The following TLN2 variants were observed in gnomAD, a reference collection of about 807,000 sequenced individuals.
TLN2 encodes talin 2.
In TLN2, 118 loss-of-function variants were observed where a neutral mutation model predicts 294.7. The ratio of observed to expected loss-of-function variants is 0.40; its 90% CI spans 0.34 to 0.47. The LOEUF (loss-of-function observed/expected upper bound fraction) is 0.47, where lower values mean the gene tolerates loss of function less well. Among genes scored for constraint, TLN2 ranks in the 20% least tolerant of loss-of-function variants. TLN2 has a pLI of 0.84. For missense variants in TLN2, 3,083 were observed against 3,282.2 expected, an observed-to-expected ratio of 0.94 and a Z score of 1.48; for synonymous variants, 1,431 against 1,304.5, an observed-to-expected ratio of 1.10 and a Z score of -2.09.
At chr15:62,511,527 G>A (rs2039935047) in intron 1 of TLN2, among the ~76,000 whole-genome samples, 1 of 152,170 alleles carries the variant, frequency 6.6e-6, no homozygotes, top group South Asian at 2.1e-4. Flanking sequence ...TGACTTGCCT[G>A]GAAGAGGTGC....
intron 10 of TLN2, among the ~76,000 whole-genome samples, chr15:62,674,795 C>T (rs1403126146): frequency 6.6e-6 from 1 of 152,196 alleles, no homozygotes. Context: ...AGCCACCACA[C>T]CCAGCCAATA....
intron 11 of TLN2, among the ~76,000 whole-genome samples, chr15:62,685,098 T>G (rs2057166645): frequency 6.6e-6 from 1 of 151,928 alleles, no homozygotes; most frequent in Admixed American, 6.6e-5. Flanking sequence ...AGGAAAAGCA[T>G]GAAAAAATAA....
chr15:62,813,950 G>T (rs1402155493), intron 52 of TLN2, among the ~76,000 whole-genome samples: 1 of 152,086 alleles, frequency 6.6e-6, no homozygotes, highest in Non-Finnish European at 1.5e-5. Flanking sequence ...AAGTAGCTGG[G>T]ATTACAGGCA....
chr15:62,619,840 A>T (rs78270107), intron 3 of TLN2, among the ~76,000 whole-genome samples: 1 of 152,100 alleles, frequency 6.6e-6, no homozygotes, highest in Admixed American at 6.5e-5. Context: ...ACAAATTCCT[A>T]TTGTTTTAGG....
At chr15:62,526,611 T>A (rs1205904543) in intron 1 of TLN2, among the ~76,000 whole-genome samples, 1 of 152,198 alleles carries the variant, frequency 6.6e-6, no homozygotes, top group Non-Finnish European at 1.5e-5. Flanking sequence ...CATTCTCTGC[T>A]GGGCAGGACC....
chr15:62,839,812 G>C (rs925310027), intron 58 of TLN2, among the ~76,000 whole-genome samples: 1 of 152,192 alleles, frequency 6.6e-6, no homozygotes, highest in African/African-American at 2.4e-5. Context: ...CACAGAGAAG[G>C]GGCTCTGATC....
At position 62,598,731 on chromosome 15, in the gene TLN2, A is replaced by T. The variant is rs191986484; in HGVS notation, c.-162+8969A>T. 7.4e-4 allele frequency among the ~76,000 whole-genome samples: 112 copies of T among 151,520 alleles called. 3 individuals are homozygous for T. The East Asian group carries it at 0.019, about 26-fold the overall frequency. On this transcript the variant is annotated intron_variant, in intron 2 of 58. Coordinates refer to ENST00000636159, the MANE Select transcript of TLN2 (RefSeq NM_015059.3). ...AACTTTTCTCTCCATTCCTGAGAGA[A>T]ATGGAATTTTCTCTCAGGAATGGAG...
chr15:62,796,365 G>A (rs1300282432), intron 47 of TLN2, 72 bp downstream of exon 47: 22 of 1,504,954 alleles, frequency 1.5e-5, no homozygotes, highest in South Asian at 7.9e-5. Flanking sequence ...ACTTGGAGAC[G>A]CCACCTGGGA....
At chr15:62,414,110 C>T (rs1464414176) in intron 1 of TLN2, among the ~76,000 whole-genome samples, 3 of 121,114 alleles carry the variant, frequency 2.5e-5, no homozygotes, top group African/African-American at 8.8e-5. Flanking sequence ...ATTACAACTT[C>T]ATAATCACAT....
At chr15:62,795,057 G>A (rs113708189) in intron 46 of TLN2, among the ~76,000 whole-genome samples, 2,176 of 152,308 alleles carry the variant, frequency 0.014, 48 homozygotes, top group African/African-American at 0.05. Context: ...GTGCTGTGGC[G>A]TCCCGGGAGG....
chr15:62,710,753 T>G (rs1195174789), intron 21 of TLN2, among the ~76,000 whole-genome samples: 2 of 38,914 alleles, frequency 5.1e-5, no homozygotes, highest in East Asian at 1.3e-3. Flanking sequence ...TTTGATGGAG[T>G]CTTGCTCTGT....
At chr15:62,807,406 C>T (rs1225364591) in intron 51 of TLN2, among the ~76,000 whole-genome samples, 5 of 152,190 alleles carry the variant, frequency 3.3e-5, no homozygotes, top group African/African-American at 4.8e-5. Flanking sequence ...CAAGGTCACG[C>T]AGCTATTTAC....
At chr15:62,631,514 C>CTTCCTCT (rs1262892794) in intron 3 of TLN2, among the ~76,000 whole-genome samples, 29 of 108,932 alleles carry the variant, frequency 2.7e-4, no homozygotes, top group Non-Finnish European at 5.0e-4. Flanking sequence ...TTCTTTCTTT[C>CTTCCTCT]TTTCTTCCTT....
At chr15:62,643,405 A>ATTTTTTTTTT (rs571288380) in intron 3 of TLN2, among the ~76,000 whole-genome samples, 21 of 90,742 alleles carry the variant, frequency 2.3e-4, no homozygotes, top group African/African-American at 3.2e-4. Flanking sequence ...TGGTTCCAGG[A>ATTTTTTTTTT]TTTTTTTTTT....
intron 1 of TLN2, among the ~76,000 whole-genome samples, chr15:62,397,134 C>T (rs1359691676): frequency 6.6e-6 from 1 of 152,176 alleles, no homozygotes; most frequent in South Asian, 2.1e-4. Context: ...CTGGCTGTTC[C>T]ACCTCTACCA....
chr15:62,489,185 T>C (rs576062302), intron 1 of TLN2, among the ~76,000 whole-genome samples: 2 of 152,086 alleles, frequency 1.3e-5, no homozygotes, highest in South Asian at 4.2e-4. Context: ...AAAATATAAA[T>C]ATAGAATGCA....
At position 62,792,732 on chromosome 15, in the gene TLN2, C is replaced by G; in HGVS notation, c.5828C>G (p.Thr1943Arg). The change falls in exon 46 of 59, where the codon ACA becomes AGA. Residue 1943 changes from threonine to arginine, a missense_variant. Thr to Arg is a moderately conservative substitution (Grantham distance 71, BLOSUM62 -1). Coordinates refer to ENST00000636159, the MANE Select transcript of TLN2 (RefSeq NM_015059.3). ...QKAGALQVCP[T>R]DSYTKRELIE... ...GCAGGGGCCCTCCAGGTCTGCCCCA[C>G]AGACAGCTACACCAAGAGGGAGCTG... The G allele has an allele frequency of 6.2e-7, 1 of 1,614,094 alleles. No individual in the cohort carries two copies. The highest frequency in any genetic ancestry group is 8.5e-7 in the Non-Finnish European group (1 of 1,180,040).
At chr15:62,798,945 G>A (rs1006251123) in intron 48 of TLN2, among the ~76,000 whole-genome samples, 14 of 152,164 alleles carry the variant, frequency 9.2e-5, no homozygotes, top group African/African-American at 2.7e-4. Flanking sequence ...CCAGCTACTC[G>A]GGAGGCTGAA....
At chr15:62,509,569 CCT>C (rs2039821012) in intron 1 of TLN2, among the ~76,000 whole-genome samples, 2 of 152,148 alleles carry the variant, frequency 1.3e-5, no homozygotes, top group Non-Finnish European at 2.9e-5. Flanking sequence ...CGAGGGTCAT[CCT>C]CTCTCCTATC....
Sources: gnomAD v4.1 joint callset for allele counts (sites outside exome capture counted in the v4.1 genomes callset) on GRCh38, gnomAD v4.1.1 for gene constraint, MANE v1.5 for transcripts, NCBI Gene and HGNC (gene_info 2026-07-23, HGNC 2026-07-21) for gene names.